The following LRRC4B variants were observed in gnomAD, a reference collection of about 807,000 sequenced individuals.
The protein encoded by LRRC4B is leucine rich repeat containing 4B.
Under a neutral mutation model 7.3 loss-of-function variants are expected in LRRC4B, and 1 was observed. That is an observed-to-expected ratio of 0.14 (90% CI 0.05 to 0.65). The LOEUF is 0.65. Ranked by LOEUF, LRRC4B falls within the 30% of genes least tolerant of loss-of-function variation. LRRC4B has a pLI of 0.84. For missense variants in LRRC4B, 730 were observed against 1,041.6 expected (o/e 0.70, Z 4.12); for synonymous variants, 500 against 499.2 (o/e 1.00, Z -0.02).
chr19:50,561,577 A>C (rs528413963), intron 1 of LRRC4B, among the ~76,000 whole-genome samples: 9 of 152,176 alleles, frequency 5.9e-5, no homozygotes, highest in African/African-American at 2.2e-4. Context: ...TCTACAAAAA[A>C]TACAAAAATT....
chr19:50,554,379 C>T (rs1982201950), intron 1 of LRRC4B, among the ~76,000 whole-genome samples: 1 of 152,090 alleles, frequency 6.6e-6, no homozygotes, highest in Non-Finnish European at 1.5e-5. Flanking sequence ...GCCCCAGCAC[C>T]ACCCGGATGG....
chr19:50,534,968 AAG>A (rs1221786720), intron 2 of LRRC4B, among the ~76,000 whole-genome samples: 3 of 151,962 alleles, frequency 2.0e-5, no homozygotes, highest in Admixed American at 2.0e-4. Flanking sequence ...TCCCGGGTTC[AAG>A]TGATTCTCCT....
At chr19:50,530,030 CCGTGGGT>C (rs1193987409) in intron 2 of LRRC4B, among the ~76,000 whole-genome samples, 1 of 152,106 alleles carries the variant, frequency 6.6e-6, no homozygotes, top group Non-Finnish European at 1.5e-5. Flanking sequence ...GCGGCCTTGC[CCGTGGGT>C]CGTGGGTCGG....
At chr19:50,564,813 G>C (rs1599789568) in intron 1 of LRRC4B, among the ~76,000 whole-genome samples, 2 of 152,154 alleles carry the variant, frequency 1.3e-5, no homozygotes, top group East Asian at 3.9e-4. Flanking sequence ...TGATTGAGGG[G>C]GTGGGGACCC....
chr19:50,567,585 AG>A (rs915450420), intron 1 of LRRC4B, among the ~76,000 whole-genome samples: 1 of 145,612 alleles, frequency 6.9e-6, no homozygotes, highest in African/African-American at 2.6e-5. Flanking sequence ...CTCCCGCCCC[AG>A]AAAGGGGGGC....
chr19:50,558,462 TCAAA>T (rs1982356186), intron 1 of LRRC4B, among the ~76,000 whole-genome samples: 1 of 152,170 alleles, frequency 6.6e-6, no homozygotes, highest in Non-Finnish European at 1.5e-5. Flanking sequence ...ACTCTCGGCC[TCAAA>T]CAATCCTCCT....
intron 2 of LRRC4B, among the ~76,000 whole-genome samples, chr19:50,521,024 C>A (rs1028344012): frequency 2.0e-5 from 3 of 152,036 alleles, no homozygotes; most frequent in African/African-American, 7.2e-5. Context: ...ACAAACACTG[C>A]GAGGTGTGGC....
intron 1 of LRRC4B, among the ~76,000 whole-genome samples, chr19:50,551,493 G>A (rs115948305): frequency 0.032 from 2,681 of 82,844 alleles, 121 homozygotes; most frequent in African/African-American, 0.12. Flanking sequence ...CCCGACCGCA[G>A]CCTCCTTTCT....
intron 1 of LRRC4B, among the ~76,000 whole-genome samples, chr19:50,552,646 G>GTCCATCCATCTGTCCATCCA (rs1279342902): frequency 1.9e-5 from 1 of 53,478 alleles, no homozygotes; most frequent in African/African-American, 9.5e-5. Context: ...CCGCCCATCC[G>GTCCATCCATCTGTCCATCCA]TCCATCCATC....
chr19:50,520,203 C>CAAAAAAA (rs1173919963), intron 2 of LRRC4B, among the ~76,000 whole-genome samples: 6 of 9,380 alleles, frequency 6.4e-4, no homozygotes, highest in Non-Finnish European at 1.1e-3. Flanking sequence ...AATACCCTGT[C>CAAAAAAA]AAAAAAAAAA....
intron 1 of LRRC4B, among the ~76,000 whole-genome samples, chr19:50,549,254 G>GAGACAGAC (rs137918742): frequency 2.0e-5 from 3 of 152,196 alleles, no homozygotes; most frequent in African/African-American, 7.2e-5. Flanking sequence ...TCAGAGGAGT[G>GAGACAGAC]AGACAGACAG....
chr19:50,541,633 A>G (rs1981554385), intron 2 of LRRC4B, among the ~76,000 whole-genome samples: 1 of 152,154 alleles, frequency 6.6e-6, no homozygotes, highest in Non-Finnish European at 1.5e-5. Flanking sequence ...TTGTTCCTTA[A>G]GCTGGAACCA....
intron 2 of LRRC4B, among the ~76,000 whole-genome samples, chr19:50,543,686 T>C (rs1240696092): frequency 6.6e-6 from 1 of 150,922 alleles, no homozygotes; most frequent in Non-Finnish European, 1.5e-5. Flanking sequence ...ACCCCGTCTC[T>C]ACTAGGAAGT....
chr19:50,532,242 C>T (rs1437306751), intron 2 of LRRC4B, among the ~76,000 whole-genome samples: 1 of 152,014 alleles, frequency 6.6e-6, no homozygotes, highest in African/African-American at 2.4e-5. Context: ...TCAACAAAAA[C>T]AAAAACAAAA....
At position 50,518,582 on chromosome 19, in the gene LRRC4B, C is replaced by T; in HGVS notation, c.1131G>A (p.Glu377=). Residue 377 remains glutamate (E), a synonymous_variant, in exon 3 of 3, where the codon GAG becomes GAA. Transcript: ENST00000652263. Reference sequence around the variant, plus strand: ...GGCATTTGAGCTCGGCAGCCATGCCCTCGGTGACGTTGAGGTCCGTGGGCG... The same window carrying T: ...GGCATTTGAGCTCGGCAGCCATGCCTTCGGTGACGTTGAGGTCCGTGGGCG... ...VEPPTDLNVT[E]GMAAELKCRT... is the part of the protein sequence containing the mutation. 6.3e-7 allele frequency: 1 copy of T among 1,595,064 alleles called. No individual in the cohort carries two copies.
rs772505708 is a variant in LRRC4B, at chr19:50,518,123, C to G, written c.1590G>C (p.Ala530=). The part of the protein sequence containing the change: ...GVWGGGRPGD[A]AGPASSSTTA... Reference sequence around the variant, plus strand: ...TGGTAGAAGACGAGGCAGGGCCGGCCGCGTCCCCAGGCCGGCCCCCACCCC... The same window carrying G: ...TGGTAGAAGACGAGGCAGGGCCGGCGGCGTCCCCAGGCCGGCCCCCACCCC... Residue 530 remains alanine, a synonymous_variant, in exon 3 of 3, where the codon GCG becomes GCC. Transcript: ENST00000652263. 3 of 1,593,496 alleles carry G rather than the reference C, an allele frequency of 1.9e-6. No homozygotes were observed. Among genetic ancestry groups the G allele is most frequent in the Admixed American group, 1.8e-5 (1 of 55,214 alleles).
At position 50,518,432 on chromosome 19, in the gene LRRC4B, G is replaced by T. The variant is rs200199863; in HGVS notation, c.1281C>A (p.Thr427=). ...ACGTGTACTGGCCCGTGTCCTGCAC[G>T]GTGACGTTGGTGAAGTTAAGCGTGC... ...HDGTLNFTNV[T]VQDTGQYTCM... Residue 427 remains threonine, a synonymous_variant, in exon 3 of 3, where the codon ACC becomes ACA. Transcript: ENST00000652263. 156 of 1,553,640 alleles carry T rather than the reference G, an allele frequency of 1.0e-4. No individual in the cohort carries two copies. Among genetic ancestry groups the T allele is most frequent in the Non-Finnish European group, 1.3e-4 (154 of 1,151,390 alleles).
At chr19:50,528,316 C>T (rs1369871214) in intron 2 of LRRC4B, among the ~76,000 whole-genome samples, 1 of 152,148 alleles carries the variant, frequency 6.6e-6, no homozygotes, top group African/African-American at 2.4e-5. Context: ...GCCGGGATTA[C>T]AGGTGTGAGT....
chr19:50,536,392 C>T (rs1244606532), intron 2 of LRRC4B, among the ~76,000 whole-genome samples: 1 of 152,298 alleles, frequency 6.6e-6, no homozygotes, highest in East Asian at 1.9e-4. Context: ...CTCAGCCTCC[C>T]GAAGTGCTAG....
Sources: allele counts gnomAD v4.1 joint callset (sites outside exome capture counted in the v4.1 genomes callset), GRCh38; gene constraint gnomAD v4.1.1; transcripts MANE v1.5; gene names NCBI Gene and HGNC (gene_info 2026-07-23, HGNC 2026-07-21).